TACC2: variants seen among roughly 807,000 people sequenced by gnomAD.
The protein encoded by TACC2 is transforming acidic coiled-coil-containing protein 2.
TACC2 carries 137 observed loss-of-function variants against 227.3 expected under a neutral mutation model. That is an observed-to-expected ratio of 0.60 (90% CI 0.52 to 0.69). The LOEUF is 0.69. Among genes scored for constraint, TACC2 ranks in the 30% least tolerant of loss-of-function variants. TACC2 has a pLI of 0.00. For missense variants in TACC2, 3,470 were observed against 3,694.4 expected (o/e 0.94, Z 1.57); for synonymous variants, 1,523 against 1,487.5 (o/e 1.02, Z -0.55).
In TACC2 at chr10:122,083,409, C is replaced by G; in HGVS notation, c.909C>G (p.Asp303Glu). 6.2e-7 allele frequency: 1 copy of G among 1,613,808 alleles called. No individual in the cohort carries two copies. The highest frequency in any genetic ancestry group is 1.1e-5 in the South Asian group (1 of 91,092). Residue 303 changes from aspartate to glutamate, a missense_variant, in exon 4 of 23, where the codon GAC becomes GAG. This residue lies in a region of TACC2 where 405 missense variants were observed against 389.6 expected (regional missense o/e 1.04). Transcript: ENST00000369005. The part of the protein sequence containing the change: ...GEAPPQYLTD[D>E]LEFLRACHLP... ...CGCCGCCTCAGTATTTAACAGATGA[C>G]TTGGAATTCCTCAGGGCCTGCCATC...
Position 122,130,137 on chromosome 10 carries a change from A to G in TACC2, c.5574-2472A>G, listed in dbSNP as rs187505103. ...CTCAGCCTCGTGTGGCTGGGATTAC[A>G]GGCACACACTACCATGCACAGCTAA... On this transcript the variant is annotated intron_variant, in intron 5 of 22. Transcript: ENST00000369005. Among the ~76,000 whole-genome samples the G allele has an allele frequency of 2.6e-5, 4 of 152,286 alleles. No homozygotes were observed. In the East Asian group the frequency reaches 7.7e-4, roughly 29 times the overall value.
At chr10:122,006,793 A>G (rs10887038) in intron 1 of TACC2, among the ~76,000 whole-genome samples, 9,948 of 150,050 alleles carry the variant, frequency 0.066, 401 homozygotes, top group East Asian at 0.13. Flanking sequence ...CTATTTTCTT[A>G]CTTTCTCTCT....
At chr10:122,163,806 C>A in intron 7 of TACC2, 1 of 1,314,022 alleles carries the variant, frequency 7.6e-7, no homozygotes, top group Non-Finnish European at 9.7e-7. Context: ...CGCAGCTGCT[C>A]CCCTCTGCAG....
At chr10:122,068,077 A>G (rs2077582224) in intron 3 of TACC2, among the ~76,000 whole-genome samples, 1 of 152,026 alleles carries the variant, frequency 6.6e-6, no homozygotes. Flanking sequence ...CTTGAAGTTC[A>G]CTAATCTTTT....
Position 122,084,515 on chromosome 10 carries a change from C to G in TACC2, c.2015C>G (p.Pro672Arg). Reference sequence around the variant, plus strand: ...GGTGAGGAGGACCCCGTCCTGCCCCCTGTGCCAGATGGAGCTGGTGAGCCC... The same window carrying G: ...GGTGAGGAGGACCCCGTCCTGCCCCGTGTGCCAGATGGAGCTGGTGAGCCC... ...KLGEEDPVLP[P>R]VPDGAGEPTV... The change falls in exon 4 of 23, where the codon CCT becomes CGT. Residue 672 changes from proline (P) to arginine (R), a missense_variant. Physicochemically the swap from Pro to Arg is moderately radical, Grantham distance 103. Coordinates refer to ENST00000369005, the MANE Select transcript of TACC2 (RefSeq NM_206862.4). 6.2e-7 allele frequency: 1 copy of G among 1,613,582 alleles called. No homozygotes were observed. The highest frequency in any genetic ancestry group is 1.3e-5 in the African/African-American group (1 of 75,070).
intron 5 of TACC2, among the ~76,000 whole-genome samples, chr10:122,125,776 C>CTTTTTTTTT (rs67882679): frequency 6.8e-5 from 8 of 117,208 alleles, no homozygotes; most frequent in East Asian, 2.6e-4. Context: ...AATATCCTTC[C>CTTTTTTTTT]TTTTTTTTTT....
intron 16 of TACC2, among the ~76,000 whole-genome samples, chr10:122,237,185 G>T (rs915830924): frequency 9.9e-5 from 15 of 152,146 alleles, no homozygotes; most frequent in Non-Finnish European, 2.2e-4. Context: ...TAGCCCCTTT[G>T]TCTGCCTGCC....
intron 7 of TACC2, among the ~76,000 whole-genome samples, chr10:122,177,091 G>A (rs2093754218): frequency 6.6e-6 from 1 of 152,188 alleles, no homozygotes; most frequent in African/African-American, 2.4e-5. Flanking sequence ...GGATATCATT[G>A]TGTTTTACAA....
chr10:122,207,747 T>C (rs1392738069), intron 8 of TACC2, among the ~76,000 whole-genome samples: 1 of 152,212 alleles, frequency 6.6e-6, no homozygotes, highest in African/African-American at 2.4e-5. Context: ...GAGGAAGCAA[T>C]GAGCAGATGG....
At chr10:122,114,074 A>C (rs2084178286) in intron 5 of TACC2, among the ~76,000 whole-genome samples, 1 of 152,204 alleles carries the variant, frequency 6.6e-6, no homozygotes, top group East Asian at 1.9e-4. Flanking sequence ...TAGCGGGTTG[A>C]AATACAGCTG....
At chr10:122,037,678 T>C (rs1233689510) in intron 2 of TACC2, among the ~76,000 whole-genome samples, 2 of 152,226 alleles carry the variant, frequency 1.3e-5, no homozygotes, top group Non-Finnish European at 2.9e-5. Context: ...CAGTCCCTCA[T>C]GTATACCCAT....
intron 1 of TACC2, among the ~76,000 whole-genome samples, chr10:122,009,945 C>G (rs182588970): frequency 6.6e-6 from 1 of 152,240 alleles, no homozygotes; most frequent in African/African-American, 2.4e-5. Context: ...GCCTGGGAAA[C>G]AGAGGTTTTA....
At chr10:122,242,891 C>T (rs1008746435) in intron 19 of TACC2, among the ~76,000 whole-genome samples, 4 of 152,090 alleles carry the variant, frequency 2.6e-5, no homozygotes, top group African/African-American at 9.7e-5. Context: ...GCCTTGGTTG[C>T]CCAATGTCCT....
rs781309215 is a variant in TACC2 at position 122,082,736 on chromosome 10, A to G, written c.236A>G (p.Glu79Gly). 5.0e-6 allele frequency: 8 copies of G among 1,614,038 alleles called. No individual in the cohort carries two copies. Among genetic ancestry groups the G allele is most frequent in the Non-Finnish European group, 6.8e-6 (8 of 1,180,014 alleles). Reference sequence around the variant, plus strand: ...TGCCTTGTGTCCCCAGAGGTGACTGAGCCAAGGAAGGACCCACAGGGAGCC... The same window carrying G: ...TGCCTTGTGTCCCCAGAGGTGACTGGGCCAAGGAAGGACCCACAGGGAGCC... ...DPCLVSPEVTEPRKDPQGARG... is the reference protein window; with the variant it reads ...DPCLVSPEVTGPRKDPQGARG... Residue 79 changes from glutamate (E) to glycine (G), a missense_variant, in exon 4 of 23, where the codon GAG becomes GGG. This residue lies in a region of TACC2 where 405 missense variants were observed against 389.6 expected (regional missense o/e 1.04). Transcript: ENST00000369005.
At chr10:122,059,801 G>T (rs995738520) in intron 3 of TACC2, among the ~76,000 whole-genome samples, 6 of 151,022 alleles carry the variant, frequency 4.0e-5, no homozygotes, top group Non-Finnish European at 7.4e-5. Flanking sequence ...AGGGAAAGTG[G>T]CTACTTTAGA....
At chr10:122,216,988 G>A (rs529702517) in intron 11 of TACC2, 160 bp downstream of exon 11, 5 of 1,415,946 alleles carry the variant, frequency 3.5e-6, no homozygotes, top group African/African-American at 2.8e-5. Context: ...CTCAGGCTGT[G>A]TTTGAAAACA....
At chr10:122,164,366 CG>C (rs75898581) in intron 7 of TACC2, among the ~76,000 whole-genome samples, 5,681 of 152,286 alleles carry the variant, frequency 0.037, 317 homozygotes, top group East Asian at 0.27. Context: ...GTGGCAGCTC[CG>C]TGCCCGGGGC....
intron 2 of TACC2, among the ~76,000 whole-genome samples, chr10:122,035,586 A>AT (rs1010417038): frequency 1.1e-4 from 17 of 152,066 alleles, no homozygotes; most frequent in Non-Finnish European, 1.9e-4. Context: ...GGGGCTATTT[A>AT]TTTTTTTATT....
intron 7 of TACC2, among the ~76,000 whole-genome samples, chr10:122,184,231 T>C (rs1255190018): frequency 6.6e-6 from 1 of 152,134 alleles, no homozygotes; most frequent in Non-Finnish European, 1.5e-5. Flanking sequence ...CAGCCTCCGA[T>C]GCAGAATGGA....
Sources: allele counts gnomAD v4.1 joint callset (sites outside exome capture counted in the v4.1 genomes callset), GRCh38; gene constraint gnomAD v4.1.1; regional missense constraint gnomAD v4.1.1; transcripts MANE v1.5; gene names NCBI Gene and HGNC (gene_info 2026-07-23, HGNC 2026-07-21).